The following ZNF420 variants were observed in gnomAD, a reference collection of about 807,000 sequenced individuals.
ZNF420 encodes the protein ATM and p53-associated KZNF protein.
A neutral mutation model predicts 44.7 loss-of-function variants in ZNF420; 31 were observed. The ratio of observed to expected loss-of-function variants is 0.69; its 90% CI spans 0.52 to 0.94. ZNF420 has a LOEUF of 0.94. Ranked by LOEUF, ZNF420 falls within the 40% of genes least tolerant of loss-of-function variation. ZNF420 has a pLI of 0.00. For missense variants in ZNF420, 681 were observed against 827.9 expected, an observed-to-expected ratio of 0.82 and a Z score of 2.18; for synonymous variants, 245 against 267.4, an observed-to-expected ratio of 0.92 and a Z score of 0.82.
chr19:37,077,509 A>G (rs1968188482), upstream of ZNF420, among the ~76,000 whole-genome samples: 1 of 152,214 alleles, frequency 6.6e-6, no homozygotes, highest in East Asian at 1.9e-4. Context: ...TTAATTTTGG[A>G]TTCTTCCCGA....
chr19:37,052,768 G>A (rs1300508342), intron 1 of ZNF420, among the ~76,000 whole-genome samples: 4 of 152,118 alleles, frequency 2.6e-5, no homozygotes, highest in African/African-American at 4.8e-5. Flanking sequence ...TGGGTATCCC[G>A]ACCTTTCTCT....
At chr19:37,020,694 C>G (rs2074642190) in intron 1 of ZNF420, among the ~76,000 whole-genome samples, 3 of 152,234 alleles carry the variant, frequency 2.0e-5, no homozygotes, top group African/African-American at 7.2e-5. Context: ...TAAATACACA[C>G]AGTGCACATT....
chr19:37,019,567 G>C (rs565469120), intron 1 of ZNF420, among the ~76,000 whole-genome samples: 1 of 151,908 alleles, frequency 6.6e-6, no homozygotes, highest in African/African-American at 2.4e-5. Flanking sequence ...TTGAAGTCAG[G>C]AGTTCAAGAC....
At chr19:37,048,239 T>C (rs1967575449) in intron 1 of ZNF420, among the ~76,000 whole-genome samples, 1 of 152,190 alleles carries the variant, frequency 6.6e-6, no homozygotes, top group Non-Finnish European at 1.5e-5. Context: ...ATAATTTTAT[T>C]TCATTTTCTG....
At chr19:37,015,190 G>A (rs2074600803) in intron 1 of ZNF420, among the ~76,000 whole-genome samples, 1 of 152,136 alleles carries the variant, frequency 6.6e-6, no homozygotes, top group Non-Finnish European at 1.5e-5. Context: ...TGACTCGTGC[G>A]CTGGAGCGCG....
rs190961188 is a variant in ZNF420 at position 37,111,320 on chromosome 19, A to C, written c.137-15808A>C. Among the ~76,000 whole-genome samples the C allele has an allele frequency of 1.9e-3, 295 of 152,354 alleles. 3 individuals carry two copies. The highest frequency in any genetic ancestry group is 6.5e-3 in the African/African-American group (272 of 41,586). ...ATTTAAGTCTGGGTCTCCTCTTAAG[A>C]TAGAGAACAAATTTGACATGGCATA... On this transcript the variant is annotated intron_variant, in intron 4 of 4. Transcript: ENST00000337995.
In ZNF420 at chr19:37,129,926, A is replaced by G. The variant is rs1269112723; in HGVS notation, c.*868A>G. ...AAGTAAACAAAATAACTGATATTAC[A>G]GACTATTTTGCAATGAAAAATGATG... is the stretch of plus-strand genomic sequence containing the variant. On this transcript the variant is annotated 3_prime_UTR_variant, in exon 5 of 5. Coordinates refer to ENST00000337995, the MANE Select transcript of ZNF420 (RefSeq NM_144689.5). The G allele has an allele frequency of 5.2e-6, 7 of 1,342,180 alleles. No homozygotes were observed. The highest frequency in any genetic ancestry group is 3.0e-5 in the African/African-American group (2 of 66,880). 83.1% of individuals were successfully genotyped at this position (1,342,180 alleles called of 1,614,324 possible).
chr19:37,037,298 C>A (rs2146405035), intron 1 of ZNF420, among the ~76,000 whole-genome samples: 1 of 152,300 alleles, frequency 6.6e-6, no homozygotes, highest in African/African-American at 2.4e-5. Flanking sequence ...CAGAGAGGCA[C>A]CTTCTCAAGC....
At chr19:37,038,269 A>G (rs894500729) in intron 1 of ZNF420, among the ~76,000 whole-genome samples, 1 of 152,234 alleles carries the variant, frequency 6.6e-6, no homozygotes, top group Admixed American at 6.5e-5. Flanking sequence ...TCCTTCATCA[A>G]GTCGTAATCA....
intron 1 of ZNF420, among the ~76,000 whole-genome samples, chr19:37,019,359 TAAA>T (rs1156704502): frequency 1.3e-5 from 2 of 152,144 alleles, no homozygotes; most frequent in African/African-American, 4.8e-5. Flanking sequence ...AGGCTGCCGT[TAAA>T]AAACAGAAAA....
intron 2 of ZNF420, among the ~76,000 whole-genome samples, chr19:37,081,978 A>G (rs1205099550): frequency 6.6e-6 from 1 of 152,076 alleles, no homozygotes; most frequent in Non-Finnish European, 1.5e-5. Flanking sequence ...TGCTCCAAAC[A>G]TCTACTTTGC....
chr19:37,020,014 G>A (rs1004493170), intron 1 of ZNF420, among the ~76,000 whole-genome samples: 1 of 151,900 alleles, frequency 6.6e-6, no homozygotes, highest in Non-Finnish European at 1.5e-5. Flanking sequence ...TCAGGAGATC[G>A]AGAACATCCT....
chr19:37,025,770 CTT>C (rs67671586), intron 1 of ZNF420, among the ~76,000 whole-genome samples: 20,875 of 129,076 alleles, frequency 0.16, 1,695 homozygotes, highest in African/African-American at 0.22. Context: ...TTAAACCTGT[CTT>C]TTTTTTTTTT....
intron 4 of ZNF420, among the ~76,000 whole-genome samples, chr19:37,098,620 T>G (rs1969592247): frequency 6.6e-6 from 1 of 152,222 alleles, no homozygotes; most frequent in Non-Finnish European, 1.5e-5. Flanking sequence ...TATACATATG[T>G]GTATTGTGTA....
intron 1 of ZNF420, among the ~76,000 whole-genome samples, chr19:37,065,430 CAG>C (rs1365506532): frequency 1.3e-5 from 2 of 152,210 alleles, no homozygotes; most frequent in African/African-American, 4.8e-5. Flanking sequence ...CCAGCTGGAT[CAG>C]AGAGATGCAA....
chr19:37,058,174 C>T (rs969186974), intron 1 of ZNF420, among the ~76,000 whole-genome samples: 2 of 151,942 alleles, frequency 1.3e-5, no homozygotes, highest in African/African-American at 2.4e-5. Context: ...CGTGGAGATC[C>T]GTGTCATAAT....
chr19:37,123,516 C>T (rs1345624808), intron 4 of ZNF420, among the ~76,000 whole-genome samples: 1 of 151,722 alleles, frequency 6.6e-6, no homozygotes, highest in African/African-American at 2.4e-5. Context: ...GTAGCTCTAA[C>T]TTCAGAGCAT....
Position 37,022,402 on chromosome 19 carries a change from A to G in ZNF420, c.-125+14320A>G, listed in dbSNP as rs73041135. Among the ~76,000 whole-genome samples, 1,236 of 152,332 alleles carry G rather than the reference A, an allele frequency of 8.1e-3. 9 individuals are homozygous for G. The highest frequency in any genetic ancestry group is 0.013 in the Non-Finnish European group (917 of 68,024). On this transcript the variant is annotated intron_variant, in intron 1 of 4. Coordinates refer to the ZNF420 transcript ENST00000587029. ...CACTTTTGACATTTTAAAAATTTGT[A>G]CATCTGAATTTCATTCCAGGATTAA...
intron 4 of ZNF420, among the ~76,000 whole-genome samples, chr19:37,110,862 G>T (rs1164822132): frequency 6.6e-6 from 1 of 152,130 alleles, no homozygotes; most frequent in Non-Finnish European, 1.5e-5. Flanking sequence ...TAAAATCCAA[G>T]TAGTCAATTT....
Sources: allele counts gnomAD v4.1 joint callset (sites outside exome capture counted in the v4.1 genomes callset), GRCh38; gene constraint gnomAD v4.1.1; transcripts MANE v1.5; gene names NCBI Gene and HGNC (gene_info 2026-07-23, HGNC 2026-07-21).